The following SLC27A6 variants were observed in gnomAD, a reference collection of about 807,000 sequenced individuals.
SLC27A6 encodes solute carrier family 27 member 6.
In SLC27A6, 74 loss-of-function variants were observed where a neutral mutation model predicts 63.9. The ratio of observed to expected loss-of-function variants is 1.16; its 90% CI spans 0.96 to 1.40. The LOEUF is 1.40. Ranked by LOEUF, SLC27A6 falls within the 40% of genes most tolerant of loss-of-function variation. The pLI is 0.00. For synonymous variants in SLC27A6, 287 were observed against 260.8 expected, an observed-to-expected ratio of 1.10 and a Z score of -0.97; for missense variants, 794 against 732.9, an observed-to-expected ratio of 1.08 and a Z score of -0.96.
intron 4 of SLC27A6, 85 bp from the exon 5 acceptor site, chr5:129,015,800 G>A (rs182143893): frequency 4.3e-5 from 41 of 957,686 alleles, no homozygotes; most frequent in African/African-American, 2.7e-4. Flanking sequence ...TGCAGTTTAC[G>A]TCTATGATAT....
intron 1 of SLC27A6, among the ~76,000 whole-genome samples, chr5:128,981,878 A>T (rs1447322529): frequency 2.7e-5 from 4 of 147,754 alleles, no homozygotes; most frequent in African/African-American, 7.6e-5. Context: ...CAGTGGCGTG[A>T]TCTTGGCTCA....
chr5:129,029,216 G>A (rs1376898012), intron 8 of SLC27A6, among the ~76,000 whole-genome samples: 1 of 152,040 alleles, frequency 6.6e-6, no homozygotes, highest in Non-Finnish European at 1.5e-5. Context: ...TTACATTAAA[G>A]CTTAGGATAT....
At chr5:129,026,481 G>A (rs1752249841) in intron 6 of SLC27A6, among the ~76,000 whole-genome samples, 2 of 152,168 alleles carry the variant, frequency 1.3e-5, no homozygotes, top group Admixed American at 1.3e-4. Context: ...TTCCAGAATA[G>A]CATCCCAGAG....
intron 1 of SLC27A6, among the ~76,000 whole-genome samples, chr5:128,970,750 C>T (rs888289963): frequency 1.3e-5 from 2 of 150,618 alleles, no homozygotes; most frequent in African/African-American, 4.9e-5. Context: ...TTTTATGTCT[C>T]TATCTCCTTC....
intron 5 of SLC27A6, among the ~76,000 whole-genome samples, chr5:129,019,406 C>T (rs766208814): frequency 5.4e-5 from 8 of 148,544 alleles, no homozygotes; most frequent in Non-Finnish European, 8.9e-5. Flanking sequence ...AATGAATGCA[C>T]ATTTTATACA....
intron 1 of SLC27A6, among the ~76,000 whole-genome samples, chr5:128,967,234 C>T (rs1352074999): frequency 6.6e-6 from 1 of 152,000 alleles, no homozygotes; most frequent in African/African-American, 2.4e-5. Flanking sequence ...TTCTACCCTT[C>T]CTCCTCCCCC....
At chr5:129,021,645 G>A (rs548831353) in intron 5 of SLC27A6, among the ~76,000 whole-genome samples, 7 of 152,146 alleles carry the variant, frequency 4.6e-5, no homozygotes, top group Non-Finnish European at 1.0e-4. Flanking sequence ...AGATTTTAAT[G>A]TGTGGCATCT....
Position 128,966,371 on chromosome 5 carries a change from C to A in SLC27A6, c.234C>A (p.Asp78Glu). 1 of 1,610,334 alleles carries A rather than the reference C, an allele frequency of 6.2e-7. No homozygotes were observed. Among genetic ancestry groups the A allele is most frequent in the Non-Finnish European group, 8.5e-7 (1 of 1,178,460 alleles). The change falls in exon 1 of 10, where the codon GAC (aspartate) becomes GAA (glutamate). Residue 78 changes from aspartate to glutamate, a missense_variant. By Grantham distance (45) the Asp-to-Glu change is conservative (BLOSUM62 2). Coordinates refer to ENST00000262462, the MANE Select transcript of SLC27A6 (RefSeq NM_001017372.3). ...PRKPFIIYEGDIYTYQDVDKR... is the reference protein window; with the variant it reads ...PRKPFIIYEGEIYTYQDVDKR... ...AACCTTTCATCATCTATGAGGGAGA[C>A]ATCTACACCTATCAGGATGTAGACA...
At chr5:128,998,971 A>G (rs1355915348) in intron 4 of SLC27A6, among the ~76,000 whole-genome samples, 3 of 152,182 alleles carry the variant, frequency 2.0e-5, no homozygotes, top group Admixed American at 6.5e-5. Context: ...TTAATTTACC[A>G]TGTGACATAG....
At chr5:129,006,149 G>C (rs1051205965) in intron 4 of SLC27A6, among the ~76,000 whole-genome samples, 2 of 130,952 alleles carry the variant, frequency 1.5e-5, no homozygotes, top group Non-Finnish European at 3.1e-5. Flanking sequence ...TGTGATCTTG[G>C]CTCACTGCAA....
intron 1 of SLC27A6, among the ~76,000 whole-genome samples, chr5:128,970,635 T>C (rs1750111832): frequency 6.6e-6 from 1 of 152,142 alleles, no homozygotes; most frequent in South Asian, 2.1e-4. Flanking sequence ...TGTGTCTATT[T>C]GACTCTTCTC....
At chr5:128,987,139 T>G (rs1409536580) in intron 2 of SLC27A6, among the ~76,000 whole-genome samples, 2 of 152,052 alleles carry the variant, frequency 1.3e-5, no homozygotes, top group Non-Finnish European at 2.9e-5. Flanking sequence ...CCTATAAATA[T>G]GTATATATGT....
chr5:129,000,696 C>G (rs1490715639), intron 4 of SLC27A6, among the ~76,000 whole-genome samples: 2 of 152,190 alleles, frequency 1.3e-5, no homozygotes, highest in Non-Finnish European at 2.9e-5. Context: ...GTAGTTGTAG[C>G]TCAGGTGACA....
At chr5:129,000,473 A>G (rs1171924457) in intron 4 of SLC27A6, among the ~76,000 whole-genome samples, 1 of 152,168 alleles carries the variant, frequency 6.6e-6, no homozygotes, top group Non-Finnish European at 1.5e-5. Flanking sequence ...GACCAACATA[A>G]TCTTTCCCTA....
chr5:128,989,738 C>T (rs1408966466), intron 3 of SLC27A6, among the ~76,000 whole-genome samples: 1 of 152,004 alleles, frequency 6.6e-6, no homozygotes, highest in Non-Finnish European at 1.5e-5. Flanking sequence ...TCCTGGCTAA[C>T]ACGGTGAAAC....
At chr5:128,969,682 C>G (rs1298728929) in intron 1 of SLC27A6, among the ~76,000 whole-genome samples, 1 of 152,168 alleles carries the variant, frequency 6.6e-6, no homozygotes, top group Non-Finnish European at 1.5e-5. Context: ...CTGGGGTTCT[C>G]TAAATATACA....
chr5:128,998,481 A>G (rs1751231994), intron 4 of SLC27A6, among the ~76,000 whole-genome samples: 1 of 152,082 alleles, frequency 6.6e-6, no homozygotes, highest in Non-Finnish European at 1.5e-5. Context: ...AAAATTCCAT[A>G]TAAATAGATC....
rs902592604 is a variant in SLC27A6 at position 129,013,577 on chromosome 5, C to T, written c.970-2308C>T. On this transcript the variant is annotated intron_variant, in intron 4 of 9. Coordinates refer to ENST00000262462, the MANE Select transcript of SLC27A6 (RefSeq NM_001017372.3). ...TTTCTGGCTGCTTTTAAAATTCTCC[C>T]TCTCTTTTTAATTTTTATATATTTT... Among the ~76,000 whole-genome samples, 6 of 152,080 alleles carry T rather than the reference C, an allele frequency of 3.9e-5. No homozygotes were observed. The South Asian group carries it at 1.0e-3, about 26-fold the overall frequency.
Position 129,028,222 on chromosome 5 carries a change from A to G in SLC27A6, c.1455-123A>G, listed in dbSNP as rs899543864. ...CTTAGAAATGCCTTTCATCTTGAAA[A>G]CTACAATTATGTTGGTCAGTAGGTG... On this transcript the variant is annotated intron_variant, in intron 7 of 9. Coordinates refer to ENST00000262462, the MANE Select transcript of SLC27A6 (RefSeq NM_001017372.3). 4 of 606,716 alleles carry G rather than the reference A, an allele frequency of 6.6e-6. No individual in the cohort carries two copies. In the African/African-American group the frequency reaches 7.7e-5, roughly 12 times the overall value. 37.6% of individuals were successfully genotyped at this position (606,716 alleles called of 1,614,324 possible).
Sources: allele counts gnomAD v4.1 joint callset (sites outside exome capture counted in the v4.1 genomes callset), GRCh38; gene constraint gnomAD v4.1.1; transcripts MANE v1.5; gene names NCBI Gene and HGNC (gene_info 2026-07-23, HGNC 2026-07-21).